GSE1: variants seen among roughly 807,000 people sequenced by gnomAD.
GSE1 encodes the protein genetic suppressor element 1.
A neutral mutation model predicts 112.6 loss-of-function variants in GSE1; 32 were observed. The ratio of observed to expected loss-of-function variants is 0.28; its 90% CI spans 0.21 to 0.38. The LOEUF (loss-of-function observed/expected upper bound fraction) is 0.38, where lower values mean the gene tolerates loss of function less well. Among genes scored for constraint, GSE1 ranks in the 10% least tolerant of loss-of-function variants. The pLI, the probability that GSE1 is intolerant of heterozygous loss-of-function variation, is 1.00. For missense variants in GSE1, 2,348 were observed against 1,699.2 expected, an observed-to-expected ratio of 1.38 and a Z score of -6.71; for synonymous variants, 1,115 against 735.6, an observed-to-expected ratio of 1.52 and a Z score of -8.35.
chr16:85,570,303 G>C (rs2151325533), intron 1 of GSE1, among the ~76,000 whole-genome samples: 1 of 152,286 alleles, frequency 6.6e-6, no homozygotes, highest in African/African-American at 2.4e-5. Flanking sequence ...TCTGTGCTTA[G>C]GAGAGGGAGT....
At chr16:85,410,157 A>G (rs1436433925) in intron 2 of GSE1, among the ~76,000 whole-genome samples, 1 of 63,104 alleles carries the variant, frequency 1.6e-5, no homozygotes, top group African/African-American at 1.2e-4. Flanking sequence ...CCTCGCTGTT[A>G]CACTCAGGGC....
Position 85,560,926 on chromosome 16 carries a change from C to T in GSE1, c.37+4563C>T, listed in dbSNP as rs559970869. On this transcript the variant is annotated intron_variant, in intron 1 of 2. Transcript: ENST00000635906. Reference sequence around the variant, plus strand: ...GGTGGATCACTTGAGCCCAGGAGCTCGAGACCAGCCTGGGCAACATGGTAA... The same window carrying T: ...GGTGGATCACTTGAGCCCAGGAGCTTGAGACCAGCCTGGGCAACATGGTAA... Among the ~76,000 whole-genome samples the T allele has an allele frequency of 3.4e-4, 52 of 152,178 alleles. No homozygotes were observed. In the East Asian group the frequency reaches 7.3e-3, roughly 22 times the overall value.
intron 2 of GSE1, among the ~76,000 whole-genome samples, chr16:85,414,748 C>T (rs1333336314): frequency 6.6e-6 from 1 of 152,170 alleles, no homozygotes; most frequent in Non-Finnish European, 1.5e-5. Flanking sequence ...AATTCTCCTG[C>T]CTCAGCCTCC....
intron 2 of GSE1, among the ~76,000 whole-genome samples, chr16:85,392,351 A>G (rs1023921716): frequency 2.0e-5 from 3 of 152,254 alleles, no homozygotes; most frequent in Non-Finnish European, 2.9e-5. Flanking sequence ...ACCTTTTAGT[A>G]TAAGTATGTC....
chr16:85,646,996 C>A (rs937211692), intron 2 of GSE1, among the ~76,000 whole-genome samples: 1 of 152,176 alleles, frequency 6.6e-6, no homozygotes, highest in Non-Finnish European at 1.5e-5. Flanking sequence ...CCACCACACA[C>A]ACTTGGTCCC....
chr16:85,478,635 T>C (rs780734909), intron 2 of GSE1, among the ~76,000 whole-genome samples: 1 of 152,100 alleles, frequency 6.6e-6, no homozygotes, highest in Non-Finnish European at 1.5e-5. Context: ...AGAATGATGC[T>C]GGCATGAACG....
At chr16:85,621,522 C>G (rs1414418428) in intron 1 of GSE1, among the ~76,000 whole-genome samples, 1 of 152,194 alleles carries the variant, frequency 6.6e-6, no homozygotes, top group Non-Finnish European at 1.5e-5. Flanking sequence ...CTTTATAGGA[C>G]TAAGGAAGTT....
At chr16:85,381,063 C>G (rs935291691) in intron 2 of GSE1, among the ~76,000 whole-genome samples, 1 of 152,214 alleles carries the variant, frequency 6.6e-6, no homozygotes, top group African/African-American at 2.4e-5. Context: ...CATTTCGTCA[C>G]CCCAAAAGGA....
intron 2 of GSE1, among the ~76,000 whole-genome samples, chr16:85,550,205 G>C (rs1443336207): frequency 6.6e-6 from 1 of 152,144 alleles, no homozygotes; most frequent in Non-Finnish European, 1.5e-5. Flanking sequence ...TTTGAAGTCT[G>C]ACTGCAAACC....
At chr16:85,600,882 G>A (rs1598337125) in intron 1 of GSE1, among the ~76,000 whole-genome samples, 1 of 152,192 alleles carries the variant, frequency 6.6e-6, no homozygotes, top group East Asian at 1.9e-4. Context: ...GTCCTCCTAG[G>A]GGCTTCTTGA....
chr16:85,334,753 A>G lies in GSE1; in HGVS notation c.2284-22710A>G, dbSNP rs908339596. ...GGAGACCAGAATGTGCCACCCCAAAATATACTTCATCAGCGTATTCACTGC... is the reference window on the plus strand; with the variant it reads ...GGAGACCAGAATGTGCCACCCCAAAGTATACTTCATCAGCGTATTCACTGC... On this transcript the variant is annotated intron_variant, in intron 1 of 2. Coordinates refer to the GSE1 transcript ENST00000637419. 3.3e-5 allele frequency among the ~76,000 whole-genome samples: 5 copies of G among 152,334 alleles called. No individual in the cohort carries two copies. In the East Asian group the frequency reaches 7.7e-4, roughly 23 times the overall value.
At position 85,625,453 on chromosome 16, in the gene GSE1, C is replaced by G. The variant is rs528872141; in HGVS notation, c.8-8461C>G. ...CTGTGCAGAGCCCCCCTGCTGTCCT[C>G]AAAACTGTAGTGTGGCGTCCAACCT... On this transcript the variant is annotated intron_variant, in intron 1 of 15. Transcript: ENST00000253458. 3.3e-5 allele frequency among the ~76,000 whole-genome samples: 5 copies of G among 152,302 alleles called. No individual in the cohort carries two copies. In the East Asian group the frequency reaches 5.8e-4, roughly 18 times the overall value.
intron 1 of GSE1, among the ~76,000 whole-genome samples, chr16:85,591,749 C>T (rs574453002): frequency 6.6e-6 from 1 of 152,326 alleles, no homozygotes; most frequent in East Asian, 1.9e-4. Context: ...CGTTTCATTT[C>T]TTCATTCATT....
At chr16:85,362,436 A>G (rs927910238) in intron 2 of GSE1, among the ~76,000 whole-genome samples, 8 of 152,204 alleles carry the variant, frequency 5.3e-5, no homozygotes, top group African/African-American at 1.7e-4. Context: ...GGTTGGTGAT[A>G]GGAGGGAGGG....
At chr16:85,599,730 T>G (rs577338662) in intron 1 of GSE1, among the ~76,000 whole-genome samples, 1 of 152,324 alleles carries the variant, frequency 6.6e-6, no homozygotes, top group Admixed American at 6.5e-5. Flanking sequence ...TTTCTCCTTC[T>G]CTCCCTCTTA....
At chr16:85,177,541 G>A (rs543462848) in intron 1 of GSE1, among the ~76,000 whole-genome samples, 21 of 152,338 alleles carry the variant, frequency 1.4e-4, no homozygotes, top group African/African-American at 4.8e-4. Flanking sequence ...TTCCCCATCC[G>A]TCAAAGTGAC....
intron 1 of GSE1, among the ~76,000 whole-genome samples, chr16:85,354,218 A>G (rs899078857): frequency 3.3e-5 from 5 of 152,038 alleles, no homozygotes; most frequent in African/African-American, 4.8e-5. Flanking sequence ...TCTGTTCTCT[A>G]CTGAAAAGCT....
At chr16:85,604,846 C>A in intron 1 of GSE1, among the ~76,000 whole-genome samples, 1 of 22,450 alleles carries the variant, frequency 4.5e-5, no homozygotes, top group African/African-American at 2.2e-4. Context: ...GAGATGGAGT[C>A]TCGCTCTGTC....
At chr16:85,655,019 T>C (rs1426478676) in intron 5 of GSE1, 28 bp downstream of exon 5, 1 of 1,406,748 alleles carries the variant, frequency 7.1e-7, no homozygotes, top group Non-Finnish European at 9.8e-7. Flanking sequence ...CGCCCTCTCG[T>C]CTAGGTGCTG....
Sources: gnomAD v4.1 joint callset for allele counts (sites outside exome capture counted in the v4.1 genomes callset) on GRCh38, gnomAD v4.1.1 for gene constraint, MANE v1.5 for transcripts, NCBI Gene and HGNC (gene_info 2026-07-23, HGNC 2026-07-21) for gene names.